Variants in GRXCR2 observed in about 807,000 individuals in gnomAD.
GRXCR2 encodes glutaredoxin and cysteine rich domain containing 2, also known as glutaredoxin domain-containing cysteine-rich protein 2.
A neutral mutation model predicts 24.8 loss-of-function variants in GRXCR2; 23 were observed. The observed-to-expected ratio is 0.93, with a 90% CI of 0.67 to 1.32. GRXCR2 has a LOEUF of 1.32. Among genes scored for constraint, GRXCR2 ranks in the 40% most tolerant of loss-of-function variants. The pLI, the probability that GRXCR2 is intolerant of heterozygous loss-of-function variation, is 0.00. For synonymous variants in GRXCR2, 130 were observed against 116.1 expected (o/e 1.12, Z -0.77); for missense variants, 315 against 303.4 (o/e 1.04, Z -0.28).
upstream of GRXCR2, among the ~76,000 whole-genome samples, chr5:145,874,091 T>A (rs1561678907): frequency 6.6e-6 from 1 of 152,072 alleles, no homozygotes. Flanking sequence ...GAAAGTGGAG[T>A]AAAGCCTTTC....
At chr5:145,872,111 C>T (rs1561678097) in intron 1 of GRXCR2, among the ~76,000 whole-genome samples, 1 of 152,150 alleles carries the variant, frequency 6.6e-6, no homozygotes. Flanking sequence ...TCCCAGGACT[C>T]CAACTACCCA....
chr5:145,885,742 G>A (rs1216050498), intron 2 of GRXCR2, among the ~76,000 whole-genome samples: 1 of 152,052 alleles, frequency 6.6e-6, no homozygotes, highest in Non-Finnish European at 1.5e-5. Flanking sequence ...TCTTCTTTTT[G>A]GAATTTGATT....
intron 2 of GRXCR2, among the ~76,000 whole-genome samples, chr5:145,925,526 C>T (rs891808894): frequency 2.0e-5 from 3 of 152,100 alleles, no homozygotes; most frequent in African/African-American, 7.2e-5. Flanking sequence ...GATTCCAAGT[C>T]GCAAGCTTTC....
chr5:145,900,617 A>C (rs1402494639), intron 2 of GRXCR2, among the ~76,000 whole-genome samples: 1 of 152,230 alleles, frequency 6.6e-6, no homozygotes, highest in Non-Finnish European at 1.5e-5. Flanking sequence ...CAGAATGGCA[A>C]TTATTAAAAA....
At chr5:145,857,784 A>C (rs1202735605), downstream of GRXCR2, among the ~76,000 whole-genome samples, 1 of 152,160 alleles carries the variant, frequency 6.6e-6, no homozygotes, top group African/African-American at 2.4e-5. Flanking sequence ...CTAAGGCTTA[A>C]ATTAGATGCC....
At chr5:145,869,532 G>A (rs1363074160) in intron 1 of GRXCR2, among the ~76,000 whole-genome samples, 2 of 151,210 alleles carry the variant, frequency 1.3e-5, no homozygotes, top group Non-Finnish European at 2.9e-5. Flanking sequence ...CAGGCACAAT[G>A]CTAAGAGCTT....
intron 1 of GRXCR2, among the ~76,000 whole-genome samples, chr5:145,867,026 C>A (rs1251580805): frequency 6.6e-6 from 1 of 152,140 alleles, no homozygotes; most frequent in Non-Finnish European, 1.5e-5. Flanking sequence ...ACCCCAACAG[C>A]CAATGCAGGG....
In GRXCR2 at chr5:145,872,514, A is replaced by G. The variant is rs931777740; in HGVS notation, c.336+119T>C. 4.1e-6 allele frequency: 3 copies of G among 727,954 alleles called. No homozygotes were observed. In the African/African-American group the frequency reaches 5.3e-5, roughly 13 times the overall value. 45.1% of individuals were successfully genotyped at this position (727,954 alleles called of 1,614,324 possible). The stretch of plus-strand genomic sequence containing the variant: ...TAACAACTTCCCATTTGGTGCACCA[A>G]CAGTTCTGGTTGGTACCGGAGGGGG... On this transcript the variant is annotated intron_variant, in intron 1 of 2. Transcript: ENST00000377976.
At chr5:145,891,276 G>C (rs1472927755) in intron 2 of GRXCR2, among the ~76,000 whole-genome samples, 1 of 152,138 alleles carries the variant, frequency 6.6e-6, no homozygotes, top group Non-Finnish European at 1.5e-5. Context: ...GGGAATGTCA[G>C]ACAGTGGGTG....
chr5:145,865,034 G>A (rs1431534571), intron 2 of GRXCR2, among the ~76,000 whole-genome samples: 1 of 152,094 alleles, frequency 6.6e-6, no homozygotes, highest in Non-Finnish European at 1.5e-5. Context: ...CTTATGATAT[G>A]GGAGAAATGA....
At chr5:145,908,261 G>C (rs897023415) in intron 2 of GRXCR2, among the ~76,000 whole-genome samples, 4 of 152,138 alleles carry the variant, frequency 2.6e-5, no homozygotes, top group Admixed American at 6.6e-5. Flanking sequence ...TCAGCTCTAG[G>C]AATCCAAGAG....
chr5:145,927,542 C>T (rs555655063), intron 2 of GRXCR2, among the ~76,000 whole-genome samples: 10 of 152,168 alleles, frequency 6.6e-5, no homozygotes, highest in South Asian at 4.1e-4. Flanking sequence ...TATTGATTTG[C>T]GTATGTTGAA....
intron 2 of GRXCR2, among the ~76,000 whole-genome samples, chr5:145,891,580 T>G (rs2149919178): frequency 6.6e-6 from 1 of 152,028 alleles, no homozygotes; most frequent in South Asian, 2.1e-4. Flanking sequence ...GCAGCGAGGC[T>G]GGGGGAGGGG....
At chr5:145,887,379 G>A (rs112725219) in intron 2 of GRXCR2, among the ~76,000 whole-genome samples, 8 of 152,172 alleles carry the variant, frequency 5.3e-5, no homozygotes, top group Non-Finnish European at 8.8e-5. Context: ...ATTACTTGTC[G>A]CTACCCTATT....
chr5:145,863,820 T>A (rs1231454958), intron 2 of GRXCR2, among the ~76,000 whole-genome samples: 10 of 152,082 alleles, frequency 6.6e-5, no homozygotes, highest in Admixed American at 6.5e-4. Flanking sequence ...GTGTAGAACA[T>A]GAGAGAAGGT....
intron 2 of GRXCR2, among the ~76,000 whole-genome samples, chr5:145,929,122 T>C (rs564586055): frequency 3.7e-4 from 56 of 149,496 alleles, no homozygotes; most frequent in Admixed American, 1.2e-3. Context: ...TAAGTTTCAA[T>C]ATTAATTGTG....
At chr5:145,876,440 C>G (rs1418784572), upstream of GRXCR2, among the ~76,000 whole-genome samples, 1 of 151,454 alleles carries the variant, frequency 6.6e-6, no homozygotes, top group African/African-American at 2.4e-5. Context: ...TTATTATTTT[C>G]TATGTGTGCC....
At chr5:145,916,221 C>T (rs1004400537) in intron 2 of GRXCR2, among the ~76,000 whole-genome samples, 1 of 152,136 alleles carries the variant, frequency 6.6e-6, no homozygotes, top group Non-Finnish European at 1.5e-5. Flanking sequence ...GTACGTGTGT[C>T]TGTCATCGTG....
At chr5:145,892,600 T>C (rs535351460) in intron 2 of GRXCR2, among the ~76,000 whole-genome samples, 1 of 152,046 alleles carries the variant, frequency 6.6e-6, no homozygotes, top group South Asian at 2.1e-4. Context: ...TAAAAAGAAA[T>C]GAACAAAGCC....
Sources: allele counts gnomAD v4.1 joint callset (sites outside exome capture counted in the v4.1 genomes callset), GRCh38; gene constraint gnomAD v4.1.1; transcripts MANE v1.5; gene names NCBI Gene and HGNC (gene_info 2026-07-23, HGNC 2026-07-21).